Variants in FLI1 observed in about 807,000 individuals in gnomAD.
FLI1 encodes Fli-1 proto-oncogene, ETS transcription factor, also known as Friend leukemia integration 1 transcription factor.
In FLI1, 13 loss-of-function variants were observed where a neutral mutation model predicts 53.1. That is an observed-to-expected ratio of 0.24 (90% CI 0.16 to 0.39). The LOEUF (loss-of-function observed/expected upper bound fraction) is 0.39. Among genes scored for constraint, FLI1 ranks in the 10% least tolerant of loss-of-function variants. The pLI is 1.00. For synonymous variants in FLI1, 244 were observed against 236.7 expected, an observed-to-expected ratio of 1.03 and a Z score of -0.28; for missense variants, 424 against 600.5, an observed-to-expected ratio of 0.71 and a Z score of 3.07.
intron 1 of FLI1, among the ~76,000 whole-genome samples, chr11:128,748,773 A>G (rs1276183450): frequency 2.0e-5 from 3 of 152,220 alleles, no homozygotes; most frequent in African/African-American, 7.2e-5. Flanking sequence ...CTTTGCAGTC[A>G]GGCCAGCAGC....
At chr11:128,722,674 G>A (rs1007138151) in intron 1 of FLI1, among the ~76,000 whole-genome samples, 1 of 152,216 alleles carries the variant, frequency 6.6e-6, no homozygotes, top group African/African-American at 2.4e-5. Context: ...GACAGTCCTT[G>A]AGATGTGGTG....
intron 1 of FLI1, among the ~76,000 whole-genome samples, chr11:128,736,955 C>T (rs1328409894): frequency 6.6e-6 from 1 of 152,154 alleles, no homozygotes; most frequent in Non-Finnish European, 1.5e-5. Context: ...CCAAAGGAGG[C>T]ACATTCTAAC....
chr11:128,735,309 C>A (rs1040003697), intron 1 of FLI1, among the ~76,000 whole-genome samples: 1 of 152,218 alleles, frequency 6.6e-6, no homozygotes, highest in Non-Finnish European at 1.5e-5. Context: ...AGAGATGGAG[C>A]TGGACACAAG....
intron 1 of FLI1, among the ~76,000 whole-genome samples, chr11:128,739,135 A>T (rs982512670): frequency 3.9e-5 from 6 of 152,084 alleles, no homozygotes; most frequent in Non-Finnish European, 8.8e-5. Flanking sequence ...AGGCTGAGGG[A>T]GATCTCTTAG....
intron 5 of FLI1, among the ~76,000 whole-genome samples, chr11:128,793,513 C>G (rs1278568665): frequency 6.6e-6 from 1 of 152,184 alleles, no homozygotes; most frequent in East Asian, 1.9e-4. Context: ...AGGGCTTCAT[C>G]CCAATGCTTA....
intron 5 of FLI1, among the ~76,000 whole-genome samples, chr11:128,800,629 G>A (rs1029460487): frequency 4.0e-5 from 6 of 151,890 alleles, no homozygotes; most frequent in African/African-American, 9.7e-5. Flanking sequence ...GAGACTTTGC[G>A]GAAAAAAATC....
chr11:128,693,946 G>C (rs1937888332), upstream of FLI1: 4 of 26,808 alleles, frequency 1.5e-4, no homozygotes, highest in African/African-American at 6.5e-4. Flanking sequence ...CGAGGCGAGA[G>C]AGAGAGAGAG....
chr11:128,802,835 G>A (rs1942672258), intron 5 of FLI1, among the ~76,000 whole-genome samples: 1 of 152,230 alleles, frequency 6.6e-6, no homozygotes, highest in African/African-American at 2.4e-5. Flanking sequence ...CTCTGTTGGT[G>A]ACAGGGAATT....
chr11:128,807,356 A>G (rs563724325), intron 7 of FLI1, 117 bp downstream of exon 7: 23 of 617,648 alleles, frequency 3.7e-5, no homozygotes, highest in African/African-American at 3.2e-4. Flanking sequence ...TATTTCTCTC[A>G]AAGAGGGTCT....
intron 1 of FLI1, among the ~76,000 whole-genome samples, chr11:128,734,092 C>T (rs542824180): frequency 4.6e-5 from 7 of 152,326 alleles, no homozygotes; most frequent in South Asian, 4.1e-4. Context: ...TTTGCTACCA[C>T]GTGCTGAAAA....
intron 1 of FLI1, among the ~76,000 whole-genome samples, chr11:128,720,548 A>G (rs909426817): frequency 6.6e-6 from 1 of 152,230 alleles, no homozygotes; most frequent in Middle Eastern, 3.4e-3. Flanking sequence ...TGTGCCTCTT[A>G]ATGCAGCCCA....
intron 1 of FLI1, among the ~76,000 whole-genome samples, chr11:128,697,933 G>A (rs1938156806): frequency 6.6e-6 from 1 of 152,174 alleles, no homozygotes; most frequent in Non-Finnish European, 1.5e-5. Context: ...CAATAACGCA[G>A]GTTAGGGAAT....
intron 5 of FLI1, among the ~76,000 whole-genome samples, chr11:128,784,422 T>A (rs1942025140): frequency 6.6e-6 from 1 of 152,220 alleles, no homozygotes; most frequent in Admixed American, 6.5e-5. Flanking sequence ...ACCCCTCTTC[T>A]GAAATGAATT....
chr11:128,703,736 G>T (rs1001972622), intron 1 of FLI1, among the ~76,000 whole-genome samples: 1 of 151,680 alleles, frequency 6.6e-6, no homozygotes, highest in African/African-American at 2.4e-5. Flanking sequence ...CCAGCTACTG[G>T]GGAGGCTGAG....
intron 6 of FLI1, 144 bp downstream of exon 6, chr11:128,805,575 G>A (rs373970751): frequency 3.3e-6 from 2 of 597,024 alleles, no homozygotes; most frequent in Non-Finnish European, 5.9e-6. Context: ...CCAATTTAGG[G>A]CCTTTCCATG....
intron 1 of FLI1, among the ~76,000 whole-genome samples, chr11:128,718,262 C>T (rs965293320): frequency 6.6e-6 from 1 of 152,250 alleles, no homozygotes; most frequent in African/African-American, 2.4e-5. Flanking sequence ...AAAGAGGCCA[C>T]ATCTTTGTGG....
At chr11:128,766,851 C>G (rs919992392) in intron 2 of FLI1, among the ~76,000 whole-genome samples, 19 of 151,928 alleles carry the variant, frequency 1.3e-4, no homozygotes, top group African/African-American at 4.6e-4. Flanking sequence ...TATCTGAACT[C>G]CTTGGTCTGA....
chr11:128,693,795 C>T (rs1026935429), upstream of FLI1: 3 of 228,452 alleles, frequency 1.3e-5, no homozygotes, highest in East Asian at 1.9e-4. Context: ...GTGTGCGCAG[C>T]GCATGAATGT....
chr11:128,715,246 A>T (rs1938960371), intron 1 of FLI1, among the ~76,000 whole-genome samples: 1 of 152,236 alleles, frequency 6.6e-6, no homozygotes, highest in Non-Finnish European at 1.5e-5. Context: ...ACAATTAATT[A>T]TTCCTGCCCT....
Sources: allele counts gnomAD v4.1 joint callset (sites outside exome capture counted in the v4.1 genomes callset), GRCh38; gene constraint gnomAD v4.1.1; transcripts MANE v1.5; gene names NCBI Gene and HGNC (gene_info 2026-07-23, HGNC 2026-07-21).